Variants in ITPR2 observed in about 807,000 individuals in gnomAD.
ITPR2 encodes the protein inositol 1,4,5-trisphosphate receptor type 2.
In ITPR2, 207 loss-of-function variants were observed where a neutral mutation model predicts 317.1. The ratio of observed to expected loss-of-function variants is 0.65; its 90% CI spans 0.58 to 0.73. The LOEUF is 0.73. Among genes scored for constraint, ITPR2 ranks in the 30% least tolerant of loss-of-function variants. The pLI, the probability that ITPR2 is intolerant of heterozygous loss-of-function variation, is 0.00. For synonymous variants in ITPR2, 1,156 were observed against 1,149.1 expected, an observed-to-expected ratio of 1.01 and a Z score of -0.12; for missense variants, 2,613 against 3,284.0, an observed-to-expected ratio of 0.80 and a Z score of 4.99.
Position 26,487,185 on chromosome 12 carries a change from G to T in ITPR2, c.5437C>A (p.Arg1813=). 1 of 1,612,642 alleles carries T rather than the reference G, an allele frequency of 6.2e-7. No homozygotes were observed. Residue 1813 remains arginine (R), a synonymous_variant, in exon 40 of 57, where the codon CGA becomes AGA. Transcript: ENST00000381340. ...SEKFFKVLYD[R]MKAAQKEIRS... is the part of the protein sequence containing the mutation. ...ATTTCTTTCTGAGCAGCCTTCATTC[G>T]ATCATAGAGAACTTTAAAGAATTTT...
chr12:26,831,501 C>G lies in ITPR2; in HGVS notation c.92+1189G>C, dbSNP rs571296091. Among the ~76,000 whole-genome samples the G allele has an allele frequency of 6.6e-6, 1 of 151,986 alleles. No homozygotes were observed. Among genetic ancestry groups the G allele is most frequent in the Non-Finnish European group, 1.5e-5 (1 of 68,016 alleles). On this transcript the variant is annotated intron_variant, in intron 1 of 56. Coordinates refer to ENST00000381340, the MANE Select transcript of ITPR2 (RefSeq NM_002223.4). This position sits in a 1 kb window ranked among gnomAD's most constrained non-coding sequence, Gnocchi z 4.9. ...CCAGACAGGAGTGGAAACACCAGTT[C>G]CACAGCCTGAAATGTAGGGCGGGGG...
chr12:26,340,323 C>T lies in ITPR2; in HGVS notation c.7863G>A (p.Lys2621=). Reference sequence around the variant, plus strand: ...GCATCCGAGGAAACCAATCCAAATTCTTCTCCTGAAAGCAAATAAATGTGT... The same window carrying T: ...GCATCCGAGGAAACCAATCCAAATTTTTCTCCTGAAAGCAAATAAATGTGT... ...ESYVAQMIVE[K]NLDWFPRMRA... Residue 2621 remains lysine (K), a synonymous_variant, in exon 56 of 57, where the codon AAG becomes AAA. Coordinates refer to ENST00000381340, the MANE Select transcript of ITPR2 (RefSeq NM_002223.4). The T allele has an allele frequency of 6.3e-7, 1 of 1,597,716 alleles. No homozygotes were observed. The highest frequency in any genetic ancestry group is 8.5e-7 in the Non-Finnish European group (1 of 1,172,014).
At chr12:26,354,229 G>A (rs913292786) in intron 55 of ITPR2, among the ~76,000 whole-genome samples, 1 of 151,510 alleles carries the variant, frequency 6.6e-6, no homozygotes, top group African/African-American at 2.4e-5. Context: ...AGCCGAGATT[G>A]CGCCACTGCA....
chr12:26,563,400 T>C (rs769066558), intron 34 of ITPR2, among the ~76,000 whole-genome samples: 11 of 152,104 alleles, frequency 7.2e-5, no homozygotes, highest in Non-Finnish European at 1.6e-4. Context: ...TGAAACCCCA[T>C]CTCTACTAAA....
intron 1 of ITPR2, among the ~76,000 whole-genome samples, chr12:26,822,559 T>C (rs1255188555): frequency 1.3e-5 from 2 of 152,196 alleles, no homozygotes; most frequent in Non-Finnish European, 2.9e-5. Flanking sequence ...TGCCAATGTT[T>C]CCAGGCATTT....
chr12:26,411,323 T>C lies in ITPR2; in HGVS notation c.7396A>G (p.Thr2466Ala). 1 of 1,611,250 alleles carries C rather than the reference T, an allele frequency of 6.2e-7. No individual in the cohort carries two copies. Among genetic ancestry groups the C allele is most frequent in the Non-Finnish European group, 8.5e-7 (1 of 1,177,590 alleles). Residue 2466 changes from threonine to alanine, a missense_variant, in exon 52 of 57, where the codon ACA becomes GCA. Physicochemically the swap from Thr to Ala is moderately conservative, Grantham distance 58 (BLOSUM62 0). This residue lies in a region of ITPR2 where 113 missense variants were observed against 129.2 expected (regional missense o/e 0.87). Coordinates refer to ENST00000381340, the MANE Select transcript of ITPR2 (RefSeq NM_002223.4). ...ACCCAGAGTCCTTTCTACAAACCTGTATTTGAAGCTGGAATTGTGGGTGAA... is the reference window on the plus strand; with the variant it reads ...ACCCAGAGTCCTTTCTACAAACCTGCATTTGAAGCTGGAATTGTGGGTGAA... ...NCSPTIPASN[T>A]ADEEYEDGIE...
intron 10 of ITPR2, among the ~76,000 whole-genome samples, chr12:26,687,755 C>G (rs1948157297): frequency 6.6e-6 from 1 of 152,108 alleles, no homozygotes; most frequent in African/African-American, 2.4e-5. Flanking sequence ...TAAACAGGAG[C>G]AGGATTGTTA....
intron 1 of ITPR2, among the ~76,000 whole-genome samples, chr12:26,800,599 T>TA (rs1950540091): frequency 1.3e-5 from 2 of 152,218 alleles, no homozygotes; most frequent in African/African-American, 2.4e-5. Flanking sequence ...CCTATCATTT[T>TA]AAAAAATATG....
At chr12:26,739,775 A>T (rs890050945) in intron 2 of ITPR2, among the ~76,000 whole-genome samples, 1 of 152,218 alleles carries the variant, frequency 6.6e-6, no homozygotes, top group African/African-American at 2.4e-5. Flanking sequence ...AAAGGAGTAA[A>T]TTTTATGGTA....
intron 2 of ITPR2, among the ~76,000 whole-genome samples, chr12:26,756,032 CA>C (rs1341706902): frequency 6.6e-6 from 1 of 152,146 alleles, no homozygotes; most frequent in Non-Finnish European, 1.5e-5. Context: ...AGAGTTCCAT[CA>C]AAGCCAATTT....
Position 26,804,762 on chromosome 12 carries a change from G to A in ITPR2, c.93-14535C>T, listed in dbSNP as rs148820566. 4.8e-4 allele frequency among the ~76,000 whole-genome samples: 73 copies of A among 151,778 alleles called. 1 individual carries two copies. In the East Asian group the frequency reaches 0.013, roughly 28 times the overall value. Reference sequence around the variant, plus strand: ...ATTTATTTATTTATTTTGAGACAAGGTCTCTCTCTGTCACCCAGGCTGGAA... The same window carrying A: ...ATTTATTTATTTATTTTGAGACAAGATCTCTCTCTGTCACCCAGGCTGGAA... On this transcript the variant is annotated intron_variant, in intron 1 of 56. Transcript: ENST00000381340.
intron 45 of ITPR2, among the ~76,000 whole-genome samples, chr12:26,453,423 T>C (rs1941790275): frequency 1.3e-5 from 2 of 152,160 alleles, no homozygotes; most frequent in Non-Finnish European, 2.9e-5. Flanking sequence ...CATTTCAGGG[T>C]GAGGAAGCAA....
At chr12:26,481,474 A>G (rs1041305520) in intron 42 of ITPR2, among the ~76,000 whole-genome samples, 1 of 152,262 alleles carries the variant, frequency 6.6e-6, no homozygotes, top group Admixed American at 6.5e-5. Flanking sequence ...TGAAGCACGT[A>G]TCTTTTAAAA....
At chr12:26,720,507 C>T (rs7980626) in intron 5 of ITPR2, among the ~76,000 whole-genome samples, 47,358 of 151,952 alleles carry the variant, frequency 0.31, 8,780 homozygotes, top group East Asian at 0.79. Flanking sequence ...GGGAAAAAAA[C>T]GAGTATTACA....
rs766573904 is a variant in ITPR2, at chr12:26,665,991, T to C, written c.1470A>G (p.Gly490=). Residue 490 remains glycine, a synonymous_variant, in exon 14 of 57, where the codon GGA becomes GGG. Coordinates refer to ENST00000381340, the MANE Select transcript of ITPR2 (RefSeq NM_002223.4). The stretch of plus-strand genomic sequence containing the variant: ...TGATAACCACATCCAGAACTTCTTG[T>C]CCATTATTAGGCACATCAGCAACAA... ...IFFVADVPNN[G]QEVLDVVITK... The C allele has an allele frequency of 1.2e-6, 2 of 1,613,526 alleles. No homozygotes were observed. Among genetic ancestry groups the C allele is most frequent in the East Asian group, 2.2e-5 (1 of 44,862 alleles).
chr12:26,572,310 T>C (rs1945182253), intron 34 of ITPR2, among the ~76,000 whole-genome samples: 1 of 152,154 alleles, frequency 6.6e-6, no homozygotes, highest in Non-Finnish European at 1.5e-5. Context: ...AAGTCATTCA[T>C]GCTAAGTGCC....
chr12:26,352,095 T>G (rs557386300), intron 55 of ITPR2, among the ~76,000 whole-genome samples: 1 of 152,290 alleles, frequency 6.6e-6, no homozygotes, highest in South Asian at 2.1e-4. Context: ...GGGGTCCTGA[T>G]GGAAGGTTGG....
chr12:26,380,227 C>T (rs1414135537), intron 55 of ITPR2, among the ~76,000 whole-genome samples: 3 of 152,178 alleles, frequency 2.0e-5, no homozygotes, highest in African/African-American at 4.8e-5. Flanking sequence ...TGTTAAGTAC[C>T]TATTACTTCT....
chr12:26,435,478 TG>T (rs1941329373), intron 48 of ITPR2, among the ~76,000 whole-genome samples: 1 of 152,198 alleles, frequency 6.6e-6, no homozygotes, highest in Admixed American at 6.5e-5. Context: ...ATTCTTTCCA[TG>T]CCCATTCCAA....
Sources: gnomAD v4.1 joint callset for allele counts (sites outside exome capture counted in the v4.1 genomes callset) on GRCh38, gnomAD v4.1.1 for gene constraint, gnomAD v4.1.1 regional missense constraint, Gnocchi (gnomAD v3.1) non-coding constraint, MANE v1.5 for transcripts, NCBI Gene and HGNC (gene_info 2026-07-23, HGNC 2026-07-21) for gene names.